The following SEMA6D variants were observed in gnomAD, a reference collection of about 807,000 sequenced individuals.
SEMA6D encodes semaphorin-6D.
Under a neutral mutation model 106.6 loss-of-function variants are expected in SEMA6D, and 35 were observed. That is an observed-to-expected ratio of 0.33 (90% CI 0.25 to 0.44). SEMA6D has a LOEUF of 0.44. Ranked by LOEUF, SEMA6D falls within the 20% of genes least tolerant of loss-of-function variation. The pLI is 1.00. For missense variants in SEMA6D, 1,185 were observed against 1,345.9 expected (o/e 0.88, Z 1.87); for synonymous variants, 499 against 487.7 (o/e 1.02, Z -0.31).
chr15:47,762,430 A>T, intron 8 of SEMA6D, 111 bp downstream of exon 8: 2 of 1,236,544 alleles, frequency 1.6e-6, no homozygotes, highest in Non-Finnish European at 2.3e-6. Context: ...TTGTTTATTT[A>T]GAACAAGTAC....
chr15:47,615,271 C>T (rs942395021), intron 4 of SEMA6D, among the ~76,000 whole-genome samples: 5 of 152,040 alleles, frequency 3.3e-5, no homozygotes, highest in Admixed American at 6.5e-5. Flanking sequence ...TAGAAGTAAT[C>T]GACAGTGATT....
intron 4 of SEMA6D, among the ~76,000 whole-genome samples, chr15:47,676,704 A>G (rs781205673): frequency 1.3e-5 from 2 of 152,202 alleles, no homozygotes; most frequent in African/African-American, 2.4e-5. Context: ...AGGCTAGGGT[A>G]CTGTTCAAGT....
At chr15:47,521,406 A>C (rs897298595) in intron 3 of SEMA6D, among the ~76,000 whole-genome samples, 1 of 152,018 alleles carries the variant, frequency 6.6e-6, no homozygotes, top group African/African-American at 2.4e-5. Context: ...ATTCTGGACA[A>C]TCTCTTCAAC....
intron 3 of SEMA6D, among the ~76,000 whole-genome samples, chr15:47,566,325 C>T (rs2046228294): frequency 6.6e-6 from 1 of 152,198 alleles, no homozygotes; most frequent in South Asian, 2.1e-4. Flanking sequence ...GAGATTCCTT[C>T]TTCCAGTAGT....
At chr15:47,700,918 A>C (rs2145908546) in intron 4 of SEMA6D, among the ~76,000 whole-genome samples, 1 of 152,330 alleles carries the variant, frequency 6.6e-6, no homozygotes, top group South Asian at 2.1e-4. Flanking sequence ...ACTTGGAAAA[A>C]AACATTAATC....
At chr15:47,460,159 G>A (rs1016100674) in intron 2 of SEMA6D, among the ~76,000 whole-genome samples, 1 of 152,032 alleles carries the variant, frequency 6.6e-6, no homozygotes, top group African/African-American at 2.4e-5. Context: ...CTCAGCTATG[G>A]CGAGGAATTC....
intron 4 of SEMA6D, among the ~76,000 whole-genome samples, chr15:47,615,035 A>T (rs191306824): frequency 2.5e-4 from 38 of 152,326 alleles, no homozygotes; most frequent in African/African-American, 8.9e-4. Context: ...GTTAGGGAAT[A>T]AGCCTGAAAT....
At chr15:47,561,685 T>C (rs2046084991) in intron 3 of SEMA6D, among the ~76,000 whole-genome samples, 1 of 151,528 alleles carries the variant, frequency 6.6e-6, no homozygotes, top group South Asian at 2.1e-4. Flanking sequence ...ATATTTTAAA[T>C]ATAGGTAAAT....
chr15:47,213,507 A>G (rs1387704415), intron 1 of SEMA6D, among the ~76,000 whole-genome samples: 1 of 151,882 alleles, frequency 6.6e-6, no homozygotes, highest in East Asian at 1.9e-4. Flanking sequence ...TGATTCTGCA[A>G]CTCCAAGTAT....
chr15:47,727,061 G>A (rs1183113132), intron 1 of SEMA6D, among the ~76,000 whole-genome samples: 1 of 152,146 alleles, frequency 6.6e-6, no homozygotes, highest in Non-Finnish European at 1.5e-5. Flanking sequence ...GAATTGTGGT[G>A]TCAAAAATCT....
intron 4 of SEMA6D, among the ~76,000 whole-genome samples, chr15:47,630,801 C>A (rs2077279828): frequency 6.6e-6 from 1 of 151,788 alleles, no homozygotes; most frequent in Non-Finnish European, 1.5e-5. Flanking sequence ...TTTTAAAAAT[C>A]ATACATTGGT....
chr15:47,438,591 A>G (rs1406432682), intron 2 of SEMA6D, among the ~76,000 whole-genome samples: 1 of 151,606 alleles, frequency 6.6e-6, no homozygotes, highest in East Asian at 2.0e-4. Flanking sequence ...CCCACCTTAC[A>G]TGGCTTCTGC....
chr15:47,725,467 G>T (rs1025575649), intron 1 of SEMA6D, among the ~76,000 whole-genome samples: 15 of 152,062 alleles, frequency 9.9e-5, no homozygotes, highest in Non-Finnish European at 2.2e-4. Context: ...GTTCCCAGGG[G>T]GAATCAGCAC....
intron 1 of SEMA6D, among the ~76,000 whole-genome samples, chr15:47,227,488 TTC>T (rs1197032880): frequency 6.8e-6 from 1 of 148,088 alleles, no homozygotes; most frequent in Non-Finnish European, 1.5e-5. Context: ...TTCTTTTTCT[TTC>T]TTTCTTTTTT....
At chr15:47,647,894 A>G (rs2077612081) in intron 4 of SEMA6D, among the ~76,000 whole-genome samples, 1 of 152,196 alleles carries the variant, frequency 6.6e-6, no homozygotes, top group African/African-American at 2.4e-5. Flanking sequence ...TTAACTTTCC[A>G]TCCCTAAGCA....
intron 4 of SEMA6D, among the ~76,000 whole-genome samples, chr15:47,608,934 C>T (rs754110510): frequency 2.5e-4 from 38 of 152,236 alleles, no homozygotes; most frequent in African/African-American, 3.4e-4. Flanking sequence ...TGAATTATTA[C>T]GGAACACTCT....
chr15:47,553,029 C>G (rs1482233270), intron 3 of SEMA6D, among the ~76,000 whole-genome samples: 1 of 147,650 alleles, frequency 6.8e-6, no homozygotes. Context: ...CTCAGCCTCC[C>G]GAGAAGATGG....
chr15:47,279,103 T>TTTTGGTTCC lies in SEMA6D; in HGVS notation c.-239+94685_-239+94686insTTTGGTTCC, dbSNP rs71118167. On this transcript the variant is annotated intron_variant, in intron 1 of 19. Coordinates refer to the SEMA6D transcript ENST00000558014. Reference sequence around the variant, plus strand: ...GATTGACTTGGCGATGCGCGCTCTTTAATTACCTTGGGCAGTATGGCCATT... The same window carrying TTTTGGTTCC: ...GATTGACTTGGCGATGCGCGCTCTTTTTTGGTTCCAATTACCTTGGGCAGTATGGCCATT... 6.8e-3 allele frequency among the ~76,000 whole-genome samples: 17 copies of TTTTGGTTCC among 2,482 alleles called. 6 individuals carry two copies. In the Non-Finnish European group the frequency reaches 0.17, roughly 24 times the overall value. 1.6% of individuals were successfully genotyped at this position (2,482 alleles called of 152,430 possible).
Position 47,773,288 on chromosome 15 carries a change from TC to T in SEMA6D, c.*1505del, listed in dbSNP as rs1343942145. 1 of 152,648 alleles carries T rather than the reference TC, an allele frequency of 6.6e-6. No individual in the cohort carries two copies. The highest frequency in any genetic ancestry group is 1.5e-5 in the Non-Finnish European group (1 of 68,044). The allele number at this position is 152,648 out of a possible 1,614,324, so 9.5% of individuals were successfully genotyped here. ...TTCTTTGCCGTGATAAACATTCCAC[TC>T]CTGCTTTCCTAAGGATGAAACAGTG... On this transcript the variant is annotated 3_prime_UTR_variant, in exon 19 of 19. Coordinates refer to ENST00000536845, the MANE Select transcript of SEMA6D (RefSeq NM_001358351.3).
Sources: allele counts gnomAD v4.1 joint callset (sites outside exome capture counted in the v4.1 genomes callset), GRCh38; gene constraint gnomAD v4.1.1; transcripts MANE v1.5; gene names NCBI Gene and HGNC (gene_info 2026-07-23, HGNC 2026-07-21).